Variants in NDRG4 observed in about 807,000 individuals in gnomAD.
NDRG4 encodes protein NDRG4.
NDRG4 carries 38 observed loss-of-function variants against 55.8 expected under a neutral mutation model. The observed-to-expected ratio is 0.68, with a 90% CI of 0.53 to 0.89. NDRG4 has a LOEUF of 0.89. Among genes scored for constraint, NDRG4 ranks in the 40% least tolerant of loss-of-function variants. The probability of loss-of-function intolerance (pLI) is 0.00; values close to 1 mark genes in which losing one functional copy is unlikely to be tolerated. For missense variants in NDRG4, 455 were observed against 468.6 expected (o/e 0.97, Z 0.27); for synonymous variants, 190 against 182.7 (o/e 1.04, Z -0.32).
At chr16:58,482,946 C>T (rs2034642552) in intron 1 of NDRG4, among the ~76,000 whole-genome samples, 1 of 152,010 alleles carries the variant, frequency 6.6e-6, no homozygotes, top group South Asian at 2.1e-4. Context: ...CACGTGAGCT[C>T]AGCTAATTTT....
intron 1 of NDRG4, chr16:58,465,004 G>A: frequency 8.1e-7 from 1 of 1,233,410 alleles, no homozygotes; most frequent in Non-Finnish European, 1.0e-6. Context: ...GTGATCAGTT[G>A]CCCTGCTGGA....
intron 2 of NDRG4, among the ~76,000 whole-genome samples, chr16:58,491,997 G>A (rs2035840630): frequency 6.6e-6 from 1 of 151,768 alleles, no homozygotes; most frequent in South Asian, 2.1e-4. Context: ...GCCCAGGCTG[G>A]TCTCGAACTC....
intron 1 of NDRG4, among the ~76,000 whole-genome samples, chr16:58,470,802 G>C (rs746075616): frequency 2.6e-4 from 39 of 151,942 alleles, no homozygotes; most frequent in Non-Finnish European, 5.0e-4. Flanking sequence ...AGCTATGAAG[G>C]GGGCTGAGGC....
chr16:58,475,207 T>G (rs1204014448), intron 1 of NDRG4, among the ~76,000 whole-genome samples: 1 of 152,238 alleles, frequency 6.6e-6, no homozygotes, highest in Non-Finnish European at 1.5e-5. Flanking sequence ...ACAGCTGAAT[T>G]GAGTGAGGCA....
At position 58,464,693 on chromosome 16, in the gene NDRG4, T is replaced by A. The variant is rs1597004742; in HGVS notation, c.-24+896T>A. 7 of 1,172,440 alleles carry A rather than the reference T, an allele frequency of 6.0e-6. No individual in the cohort carries two copies. Among genetic ancestry groups the A allele is most frequent in the Non-Finnish European group, 7.6e-6 (7 of 919,486 alleles). The allele number at this position is 1,172,440 out of a possible 1,614,324, so 72.6% of individuals were successfully genotyped here. ...GGCGTCCGGGCTGCGGGAGCACCGG[T>A]CAGGGGGTGGCCCCATGGGGTCTCT... On this transcript the variant is annotated intron_variant, in intron 1 of 15. Coordinates refer to the NDRG4 transcript ENST00000258187. This position sits in a 1 kb window ranked among gnomAD's most constrained non-coding sequence, Gnocchi z 4.8.
Position 58,477,622 on chromosome 16 carries a change from A to G in NDRG4, c.-23-10134A>G, listed in dbSNP as rs2151610649. On this transcript the variant is annotated intron_variant, in intron 1 of 15. Coordinates refer to the NDRG4 transcript ENST00000258187. ...AAAGGACAACTCTTTCTTACAGGAT[A>G]ATTCCAATAAGTGTAGAAGAGATTA... Among the ~76,000 whole-genome samples the G allele has an allele frequency of 2.0e-5, 3 of 152,344 alleles. No homozygotes were observed. In the South Asian group the frequency reaches 6.2e-4, roughly 32 times the overall value.
At position 58,504,241 on chromosome 16, in the gene NDRG4, G is replaced by A; in HGVS notation, c.215G>A (p.Gly72Glu). 6.2e-7 allele frequency: 1 copy of A among 1,614,164 alleles called. No individual in the cohort carries two copies. ...HFVVCHVDAP[G>E]QQVGASQFPQ... is the part of the protein sequence containing the mutation. ...GTGGTGTGTCACGTGGATGCCCCTG[G>A]ACAACAGGTGGGGGCGTCGCAGTTT... The change falls in exon 3 of 15, where the codon GGA becomes GAA. Residue 72 changes from glycine to glutamate, a missense_variant. Physicochemically the swap from Gly to Glu is moderately conservative, Grantham distance 98. Coordinates refer to ENST00000570248, the MANE Select transcript of NDRG4 (RefSeq NM_001242835.2).
chr16:58,486,604 C>T (rs1383933908), intron 1 of NDRG4, among the ~76,000 whole-genome samples: 1 of 151,856 alleles, frequency 6.6e-6, no homozygotes, highest in Non-Finnish European at 1.5e-5. Flanking sequence ...TGCATTCTGA[C>T]CTCTGCCATC....
intron 8 of NDRG4, chr16:58,507,271 G>C (rs944710507): frequency 1.9e-6 from 1 of 533,898 alleles, no homozygotes; most frequent in African/African-American, 1.9e-5. Context: ...GGGAATGTTG[G>C]GGGTGTTAGT....
At chr16:58,493,936 C>T (rs898528603) in intron 2 of NDRG4, among the ~76,000 whole-genome samples, 1 of 152,144 alleles carries the variant, frequency 6.6e-6, no homozygotes, top group Non-Finnish European at 1.5e-5. Context: ...GCCAGGCCCC[C>T]GCAGAGTGTC....
At chr16:58,487,053 C>T (rs1291465957) in intron 1 of NDRG4, among the ~76,000 whole-genome samples, 1 of 151,224 alleles carries the variant, frequency 6.6e-6, no homozygotes, top group Non-Finnish European at 1.5e-5. Context: ...ACCCCACTGT[C>T]CCCTTCAGAC....
chr16:58,498,661 G>A (rs989448014), upstream of NDRG4, among the ~76,000 whole-genome samples: 3 of 152,192 alleles, frequency 2.0e-5, no homozygotes, highest in Admixed American at 1.3e-4. Flanking sequence ...CTTGGCTCTC[G>A]GGTATCTGGG....
chr16:58,465,336 G>A (rs2031389999), intron 1 of NDRG4: 1 of 401,850 alleles, frequency 2.5e-6, no homozygotes, highest in African/African-American at 2.1e-5. Flanking sequence ...TTACAAGGCT[G>A]GAAGGGGCAG....
At chr16:58,482,923 A>G (rs2034637180) in intron 1 of NDRG4, among the ~76,000 whole-genome samples, 1 of 152,030 alleles carries the variant, frequency 6.6e-6, no homozygotes, top group Non-Finnish European at 1.5e-5. Flanking sequence ...GTTGGATTAC[A>G]GGCACCCGCC....
Position 58,506,747 on chromosome 16 carries a change from A to G in NDRG4, c.516+133A>G, listed in dbSNP as rs901901683. On this transcript the variant is annotated intron_variant, in intron 7 of 14. Coordinates refer to ENST00000570248, the MANE Select transcript of NDRG4 (RefSeq NM_001242835.2). ...AGATGCTAAGCCATCTGAAAGACAG[A>G]CATCCCCTCCCAAGGCCCCACACCT... is the stretch of plus-strand genomic sequence containing the variant. The G allele has an allele frequency of 6.5e-6, 8 of 1,230,796 alleles. No homozygotes were observed. In the East Asian group the frequency reaches 1.8e-4, roughly 28 times the overall value. The allele number at this position is 1,230,796 out of a possible 1,614,324, so 76.2% of individuals were successfully genotyped here.
chr16:58,464,734 G>C lies in NDRG4; in HGVS notation c.-24+937G>C. On this transcript the variant is annotated intron_variant, in intron 1 of 15. Transcript: ENST00000258187. This position sits in a 1 kb window ranked among gnomAD's most constrained non-coding sequence, Gnocchi z 4.8. ...TGGGGTCTCTGACCAGCGGAGCTCG[G>C]ATTAGGACCCTGAAAGCTAGCTCAG... The C allele has an allele frequency of 7.8e-7, 1 of 1,286,088 alleles. No homozygotes were observed. The highest frequency in any genetic ancestry group is 9.8e-7 in the Non-Finnish European group (1 of 1,018,202). 79.7% of individuals were successfully genotyped at this position (1,286,088 alleles called of 1,614,324 possible).
intron 1 of NDRG4, chr16:58,465,092 G>A (rs1358021117): frequency 1.7e-6 from 2 of 1,201,782 alleles, no homozygotes; most frequent in Non-Finnish European, 2.2e-6. Flanking sequence ...GAGCAGGGAC[G>A]GGGGGGAGGA....
chr16:58,500,407 T>C, intron 1 of NDRG4, 138 bp downstream of exon 1: 3 of 1,202,300 alleles, frequency 2.5e-6, no homozygotes, highest in Admixed American at 2.5e-5. Context: ...CTGGGGTCAC[T>C]GAGACACGGC....
intron 7 of NDRG4, 115 bp downstream of exon 7, chr16:58,506,729 A>G (rs1246947855): frequency 3.8e-5 from 49 of 1,281,582 alleles, no homozygotes; most frequent in Non-Finnish European, 4.8e-5. Context: ...TCCAGATGCT[A>G]AGCCATCTGA....
Sources: allele counts gnomAD v4.1 joint callset (sites outside exome capture counted in the v4.1 genomes callset), GRCh38; gene constraint gnomAD v4.1.1; non-coding constraint Gnocchi (gnomAD v3.1); transcripts MANE v1.5; gene names NCBI Gene and HGNC (gene_info 2026-07-23, HGNC 2026-07-21).